Variants in TRPA1 observed in about 807,000 individuals in gnomAD.
TRPA1 encodes ankyrin-like with transmembrane domains 1.
TRPA1 carries 129 observed loss-of-function variants against 131.3 expected under a neutral mutation model. The ratio of observed to expected loss-of-function variants is 0.98; its 90% CI spans 0.85 to 1.14. The LOEUF is 1.14. Among genes scored for constraint, TRPA1 ranks in the 50% most tolerant of loss-of-function variants. The probability of loss-of-function intolerance (pLI) is 0.00; values close to 1 mark genes in which losing one functional copy is unlikely to be tolerated. For missense variants in TRPA1, 1,304 were observed against 1,354.2 expected, an observed-to-expected ratio of 0.96 and a Z score of 0.58; for synonymous variants, 441 against 451.7, an observed-to-expected ratio of 0.98 and a Z score of 0.30.
chr8:72,050,696 G>A (rs1400371304), intron 15 of TRPA1, 82 bp downstream of exon 15: 3 of 972,368 alleles, frequency 3.1e-6, no homozygotes, highest in African/African-American at 3.2e-5. Flanking sequence ...GTTTAAAGCT[G>A]GAAATTATTA....
At position 72,073,917 on chromosome 8, in the gene TRPA1, C is replaced by T. The variant is rs771112334; in HGVS notation, c.111+1382G>A. On this transcript the variant is annotated intron_variant, in intron 1 of 26. Coordinates refer to ENST00000262209, the MANE Select transcript of TRPA1 (RefSeq NM_007332.3). ...GGACAAAAAATGTCTGTGGCCAAACCGGACATGTCAACAGACTCACCTTGG... is the reference window on the plus strand; with the variant it reads ...GGACAAAAAATGTCTGTGGCCAAACTGGACATGTCAACAGACTCACCTTGG... Among the ~76,000 whole-genome samples, 8 of 152,272 alleles carry T rather than the reference C, an allele frequency of 5.3e-5. 1 individual carries two copies. The South Asian group carries it at 6.2e-4, about 12-fold the overall frequency.
Position 72,071,886 on chromosome 8 carries a change from C to A in TRPA1, c.112-19G>T. ...AAACCACCTAGAGGTATTTAAACAC[C>A]ATTATACCAAACAAGCATATGCAAA... On this transcript the variant is annotated intron_variant, in intron 1 of 26. Coordinates refer to ENST00000262209, the MANE Select transcript of TRPA1 (RefSeq NM_007332.3). The A allele has an allele frequency of 1.2e-6, 2 of 1,609,770 alleles. No individual in the cohort carries two copies. The highest frequency in any genetic ancestry group is 2.2e-5 in the East Asian group (1 of 44,800).
chr8:72,028,685 G>A (rs1811693854), intron 24 of TRPA1, among the ~76,000 whole-genome samples: 1 of 152,174 alleles, frequency 6.6e-6, no homozygotes, highest in African/African-American at 2.4e-5. Context: ...TGAATACCTA[G>A]CTGGTGTGCT....
At chr8:72,030,504 C>A (rs1269688111) in intron 23 of TRPA1, among the ~76,000 whole-genome samples, 1 of 152,138 alleles carries the variant, frequency 6.6e-6, no homozygotes, top group Non-Finnish European at 1.5e-5. Context: ...GCCTATATAC[C>A]TCTGCAACGA....
At chr8:72,029,185 G>A (rs1327909860) in intron 24 of TRPA1, among the ~76,000 whole-genome samples, 1 of 152,138 alleles carries the variant, frequency 6.6e-6, no homozygotes, top group Non-Finnish European at 1.5e-5. Flanking sequence ...AAACCTCATG[G>A]ATGCAGTTAA....
chr8:72,058,566 C>A (rs988361577), intron 8 of TRPA1, among the ~76,000 whole-genome samples: 6 of 152,146 alleles, frequency 3.9e-5, no homozygotes, highest in Non-Finnish European at 7.3e-5. Context: ...GGCAGCATCC[C>A]CTTGGCAAGC....
chr8:72,027,098 C>T lies in TRPA1; in HGVS notation c.2938-1025G>A, dbSNP rs1047523704. Among the ~76,000 whole-genome samples, 4 of 152,148 alleles carry T rather than the reference C, an allele frequency of 2.6e-5. No homozygotes were observed. In the East Asian group the frequency reaches 7.7e-4, roughly 29 times the overall value. Reference sequence around the variant, plus strand: ...ATTTTCTATAATAATTTCTAGGGTTCCTTTTTTCCCCTTTGCTCTTTAGGG... The same window carrying T: ...ATTTTCTATAATAATTTCTAGGGTTTCTTTTTTCCCCTTTGCTCTTTAGGG... On this transcript the variant is annotated intron_variant, in intron 24 of 26. Transcript: ENST00000262209.
At chr8:72,043,503 A>C (rs1439569761) in intron 17 of TRPA1, among the ~76,000 whole-genome samples, 3 of 151,830 alleles carry the variant, frequency 2.0e-5, no homozygotes, top group Non-Finnish European at 4.4e-5. Context: ...TTATAATTAA[A>C]AATGATGCAG....
At chr8:72,074,116 A>G (rs1280082610) in intron 1 of TRPA1, among the ~76,000 whole-genome samples, 2 of 151,538 alleles carry the variant, frequency 1.3e-5, no homozygotes, top group Non-Finnish European at 2.9e-5. Context: ...AGACATATCC[A>G]TAAAGGTACC....
chr8:72,053,109 C>T (rs1272882331), intron 13 of TRPA1: 2 of 311,472 alleles, frequency 6.4e-6, no homozygotes, highest in Non-Finnish European at 1.2e-5. Context: ...GGACAAAGGA[C>T]AAGCTTTCAG....
Position 72,075,433 on chromosome 8 carries a change from G to A in TRPA1, c.-24C>T, listed in dbSNP as rs767155706. ...ATTGACCCCACCCCGGACGCCACCT[G>A]GTGCAGCTGCTCACCACGCGCGCGG... On this transcript the variant is annotated 5_prime_UTR_variant, in exon 1 of 27. Transcript: ENST00000262209. The A allele has an allele frequency of 8.9e-6, 14 of 1,574,440 alleles. No individual in the cohort carries two copies. Among genetic ancestry groups the A allele is most frequent in the Non-Finnish European group, 1.2e-5 (14 of 1,153,266 alleles).
chr8:72,058,389 T>C (rs1367407769), intron 8 of TRPA1, among the ~76,000 whole-genome samples: 2 of 152,190 alleles, frequency 1.3e-5, no homozygotes, highest in Non-Finnish European at 2.9e-5. Context: ...TAAGTCAATG[T>C]TAACCATTAC....
rs769654619 is a variant in TRPA1 at position 72,033,609 on chromosome 8, T to A, written c.2868+35A>T. The A allele has an allele frequency of 4.8e-5, 75 of 1,565,110 alleles. No homozygotes were observed. In the South Asian group the frequency reaches 5.0e-4, roughly 10 times the overall value. On this transcript the variant is annotated intron_variant, in intron 23 of 26. Coordinates refer to ENST00000262209, the MANE Select transcript of TRPA1 (RefSeq NM_007332.3). ...TATCATTATAAAATGTTTCAAATGA[T>A]CAACAAACAGAAAATATAAGAAAAA...
chr8:72,044,022 A>C (rs1812345005), intron 17 of TRPA1, among the ~76,000 whole-genome samples: 1 of 151,872 alleles, frequency 6.6e-6, no homozygotes, highest in Non-Finnish European at 1.5e-5. Flanking sequence ...TGTGACACCA[A>C]CAATGGAATA....
At chr8:72,084,588 ATCTT>A in the TRPA1 span, among the ~76,000 whole-genome samples, 1 of 150,160 alleles carries the variant, frequency 6.7e-6, no homozygotes, top group Non-Finnish European at 1.5e-5. Context: ...TCTAAAAATT[ATCTT>A]ACTTTATTTA....
intron 16 of TRPA1, 122 bp from the exon 17 acceptor site, chr8:72,046,730 A>C (rs568175497): frequency 3.3e-6 from 2 of 602,032 alleles, no homozygotes; most frequent in South Asian, 2.1e-5. Context: ...AAGTGATTTG[A>C]ACAAAGTTGA....
chr8:72,034,410 T>C (rs781271557), intron 21 of TRPA1, 33 bp from the exon 22 acceptor site: 1 of 1,344,368 alleles, frequency 7.4e-7, no homozygotes, highest in Admixed American at 2.0e-5. Flanking sequence ...ATTTACTCAC[T>C]TTTATAGTCA....
Position 72,039,032 on chromosome 8 carries a change from A to T in TRPA1, c.2133-5T>A. ...GCTCTAAATCCATAAGCCAACCTAC[A>T]AAAATATAAGCAAACCAGAATTGAG... On this transcript the variant is annotated splice_polypyrimidine_tract_variant and splice_region_variant and intron_variant, in intron 18 of 26. Coordinates refer to ENST00000262209, the MANE Select transcript of TRPA1 (RefSeq NM_007332.3). The T allele has an allele frequency of 1.2e-6, 2 of 1,612,316 alleles. No homozygotes were observed. Among genetic ancestry groups the T allele is most frequent in the Non-Finnish European group, 1.7e-6 (2 of 1,179,138 alleles).
chr8:72,027,386 T>C (rs922950024), intron 24 of TRPA1, among the ~76,000 whole-genome samples: 1 of 152,152 alleles, frequency 6.6e-6, no homozygotes, highest in East Asian at 1.9e-4. Flanking sequence ...TTACCTCCTC[T>C]AACTGGTGGG....
Sources: gnomAD v4.1 joint callset for allele counts (sites outside exome capture counted in the v4.1 genomes callset) on GRCh38, gnomAD v4.1.1 for gene constraint, MANE v1.5 for transcripts, NCBI Gene and HGNC (gene_info 2026-07-23, HGNC 2026-07-21) for gene names.